LARGE1: variants seen among roughly 807,000 people sequenced by gnomAD.
The protein encoded by LARGE1 is LARGE xylosyl- and glucuronyltransferase 1, also known as xylosyl- and glucuronyltransferase LARGE1.
LARGE1 carries 43 observed loss-of-function variants against 87.6 expected under a neutral mutation model. The ratio of observed to expected loss-of-function variants is 0.49; its 90% CI spans 0.38 to 0.63. The LOEUF is 0.63. Among genes scored for constraint, LARGE1 ranks in the 30% least tolerant of loss-of-function variants. LARGE1 has a pLI of 0.00. For synonymous variants in LARGE1, 434 were observed against 394.6 expected (o/e 1.10, Z -1.18); for missense variants, 802 against 1,000.2 (o/e 0.80, Z 2.67).
intron 2 of LARGE1, among the ~76,000 whole-genome samples, chr22:33,703,020 C>T (rs955597476): frequency 6.6e-6 from 1 of 152,126 alleles, no homozygotes; most frequent in Non-Finnish European, 1.5e-5. Flanking sequence ...GACTAGAGTG[C>T]ATGAGTTCAT....
the LARGE1 span, among the ~76,000 whole-genome samples, chr22:33,093,381 T>C: frequency 2.6e-5 from 4 of 152,178 alleles, no homozygotes; most frequent in African/African-American, 7.2e-5. Flanking sequence ...TTAACATGCA[T>C]GGGGAAAACC....
chr22:33,725,235 A>G (rs1601429304), intron 2 of LARGE1: 1 of 152,624 alleles, frequency 6.6e-6, no homozygotes, highest in East Asian at 1.9e-4. Context: ...GCTTTGTGAC[A>G]CCCTTCTGCT....
At chr22:33,165,362 C>T (rs1922212250) in exon 12 of LARGE1, 1 of 152,150 alleles carries the variant, frequency 6.6e-6, no homozygotes, top group African/African-American at 2.4e-5. Flanking sequence ...GAGTTTGCTG[C>T]AAGTCCAGGG....
chr22:33,735,570 G>A (rs187318878), intron 2 of LARGE1, among the ~76,000 whole-genome samples: 30 of 152,260 alleles, frequency 2.0e-4, no homozygotes, highest in African/African-American at 6.7e-4. Flanking sequence ...AAGAACTGGT[G>A]AATGAAGGGA....
intron 7 of LARGE1, among the ~76,000 whole-genome samples, chr22:33,419,671 T>TG (rs1569147606): frequency 2.6e-5 from 4 of 151,100 alleles, no homozygotes; most frequent in South Asian, 2.1e-4. Context: ...AATCTTTGTT[T>TG]TTGTTGTTGT....
At chr22:33,825,802 A>G (rs758390944) in intron 1 of LARGE1, among the ~76,000 whole-genome samples, 6 of 152,150 alleles carry the variant, frequency 3.9e-5, no homozygotes, top group Non-Finnish European at 7.3e-5. Context: ...CCCACTACCC[A>G]TCAATCCTGA....
At position 33,650,524 on chromosome 22, in the gene LARGE1, C is replaced by T; in HGVS notation, c.251G>A (p.Ser84Asn). 6.2e-7 allele frequency: 1 copy of T among 1,612,158 alleles called. No individual in the cohort carries two copies. Among genetic ancestry groups the T allele is most frequent in the Non-Finnish European group, 8.5e-7 (1 of 1,179,988 alleles). ...EENRALRRQLSLAQGRAPSHR... is the reference protein window; with the variant it reads ...EENRALRRQLNLAQGRAPSHR... ...GGATGGGGCTCGGCCCTGGGCCAGG[C>T]TGAGCTGCCTGCGGAGGGCGCGGTT... The change falls in exon 3 of 15, where the codon AGC (serine) becomes AAC (asparagine). Residue 84 changes from serine to asparagine, a missense_variant. By Grantham distance (46) the Ser-to-Asn change is conservative. Coordinates refer to ENST00000397394, the MANE Select transcript of LARGE1 (RefSeq NM_133642.5).
intron 6 of LARGE1, among the ~76,000 whole-genome samples, 194 bp from the exon 7 acceptor site, chr22:33,432,459 T>C (rs1053976868): frequency 2.0e-5 from 3 of 152,182 alleles, no homozygotes; most frequent in East Asian, 1.9e-4. Flanking sequence ...CATTAGGCAG[T>C]CATTTTTATT....
At chr22:33,571,098 C>A (rs2078188233) in intron 5 of LARGE1, among the ~76,000 whole-genome samples, 1 of 152,150 alleles carries the variant, frequency 6.6e-6, no homozygotes, top group African/African-American at 2.4e-5. Flanking sequence ...AGATCATTAT[C>A]CTTGCAATGG....
the LARGE1 span, among the ~76,000 whole-genome samples, chr22:33,092,247 C>A: frequency 6.9e-6 from 1 of 145,644 alleles, no homozygotes; most frequent in Non-Finnish European, 1.5e-5. Context: ...ATCTCCAGGG[C>A]TTTTTTTTTT....
intron 11 of LARGE1, among the ~76,000 whole-genome samples, chr22:33,220,070 C>T (rs934218472): frequency 1.3e-5 from 2 of 152,192 alleles, no homozygotes; most frequent in Non-Finnish European, 2.9e-5. Context: ...GATAATACAA[C>T]GGATGGTGAA....
At chr22:33,173,115 T>G (rs1922667424) in intron 11 of LARGE1, among the ~76,000 whole-genome samples, 1 of 152,004 alleles carries the variant, frequency 6.6e-6, no homozygotes, top group South Asian at 2.1e-4. Context: ...GAGAGAAAGG[T>G]CGGGTTGCCC....
At chr22:33,191,544 TAAA>T (rs1437253347) in intron 11 of LARGE1, among the ~76,000 whole-genome samples, 2 of 151,780 alleles carry the variant, frequency 1.3e-5, no homozygotes, top group African/African-American at 4.8e-5. Flanking sequence ...TGAGATCAGA[TAAA>T]TTTAGAACTA....
Position 33,878,125 on chromosome 22 carries a change from A to ATTTTTTTTTTTTTTTTTTTTTTTTTTT in LARGE1, c.-83+41869_-83+41870insAAAAAAAAAAAAAAAAAAAAAAAAAAA, listed in dbSNP as rs1601836110. Among the ~76,000 whole-genome samples, 4 of 51,236 alleles carry ATTTTTTTTTTTTTTTTTTTTTTTTTTT rather than the reference A, an allele frequency of 7.8e-5. 1 individual carries two copies. Among genetic ancestry groups the ATTTTTTTTTTTTTTTTTTTTTTTTTTT allele is most frequent in the Admixed American group, 2.1e-4 (1 of 4,870 alleles). The allele number at this position is 51,236 out of a possible 152,430, so 33.6% of individuals were successfully genotyped here. ...AAATTATGTATGTTGTTTATATTGT[A>ATTTTTTTTTTTTTTTTTTTTTTTTTTT]TTTCTTTTTTTTTTTTTTTTTTTTT... On this transcript the variant is annotated intron_variant, in intron 1 of 14. Transcript: ENST00000397394.
chr22:33,376,722 T>G (rs1206876420), intron 9 of LARGE1, among the ~76,000 whole-genome samples: 1 of 152,258 alleles, frequency 6.6e-6, no homozygotes, highest in African/African-American at 2.4e-5. Context: ...ACATCACTAT[T>G]AATTTTACTT....
intron 11 of LARGE1, among the ~76,000 whole-genome samples, chr22:33,245,355 C>T (rs1926707877): frequency 6.6e-6 from 1 of 152,144 alleles, no homozygotes; most frequent in African/African-American, 2.4e-5. Flanking sequence ...CAAAACACTC[C>T]CATAATAAGC....
intron 6 of LARGE1, among the ~76,000 whole-genome samples, chr22:33,443,969 T>G (rs1372126217): frequency 1.3e-5 from 2 of 152,246 alleles, no homozygotes; most frequent in Non-Finnish European, 2.9e-5. Flanking sequence ...TTTGGATTTG[T>G]CTTTTTTAAA....
At chr22:33,099,783 T>C in the LARGE1 span, among the ~76,000 whole-genome samples, 64 of 152,290 alleles carry the variant, frequency 4.2e-4, no homozygotes, top group East Asian at 0.011. Context: ...CACATAGGTG[T>C]ACCAGGCAGG....
chr22:33,132,873 A>G, the LARGE1 span, among the ~76,000 whole-genome samples: 2 of 152,100 alleles, frequency 1.3e-5, no homozygotes, highest in Non-Finnish European at 2.9e-5. Context: ...ACGATAATTT[A>G]TTGTTTCCCG....
Sources: allele counts gnomAD v4.1 joint callset (sites outside exome capture counted in the v4.1 genomes callset), GRCh38; gene constraint gnomAD v4.1.1; transcripts MANE v1.5; gene names NCBI Gene and HGNC (gene_info 2026-07-23, HGNC 2026-07-21).